Variants in AGAP1 observed in about 807,000 individuals in gnomAD.
AGAP1 encodes the protein ArfGAP with GTPase domain, ankyrin repeat and PH domain 1.
A neutral mutation model predicts 105.3 loss-of-function variants in AGAP1; 29 were observed. That is an observed-to-expected ratio of 0.28 (90% CI 0.21 to 0.38). The LOEUF is 0.38. AGAP1 is among the 10% of genes least tolerant of loss of function. The probability of loss-of-function intolerance (pLI) is 1.00; values close to 1 mark genes in which losing one functional copy is unlikely to be tolerated. For synonymous variants in AGAP1, 509 were observed against 485.9 expected, an observed-to-expected ratio of 1.05 and a Z score of -0.63; for missense variants, 998 against 1,165.1, an observed-to-expected ratio of 0.86 and a Z score of 2.09.
Position 235,578,022 on chromosome 2 carries a change from G to A in AGAP1, c.163+83173G>A, listed in dbSNP as rs1464587047. Among the ~76,000 whole-genome samples the A allele has an allele frequency of 6.6e-6, 1 of 152,118 alleles. No individual in the cohort carries two copies. The highest frequency in any genetic ancestry group is 1.5e-5 in the Non-Finnish European group (1 of 68,012). On this transcript the variant is annotated intron_variant, in intron 1 of 17. Transcript: ENST00000304032. The surrounding 1 kb of genome is among the most constrained non-coding windows in gnomAD (Gnocchi z 4.9). ...CCTGCGTGTGCTGGTCCCGCCATCA[G>A]GACTTCCCCTCGTGAGGAGCTGGGT...
intron 9 of AGAP1, among the ~76,000 whole-genome samples, chr2:235,876,685 C>T (rs557128325): frequency 6.6e-6 from 1 of 152,324 alleles, no homozygotes; most frequent in East Asian, 1.9e-4. Flanking sequence ...GCTGGCCCCG[C>T]CCCACCTCAC....
rs551278919 is a variant in AGAP1 at position 236,078,560 on chromosome 2, G to T, written c.2114+29279G>T. ...ACGCTGCTTCTCCCAGAGGGGTGGG[G>T]TGCATTTTATTGGGCACTTTTGCCT... On this transcript the variant is annotated intron_variant, in intron 16 of 17. Coordinates refer to ENST00000304032, the MANE Select transcript of AGAP1 (RefSeq NM_001037131.3). The surrounding 1 kb of genome is among the most constrained non-coding windows in gnomAD (Gnocchi z 5.3). 1.3e-5 allele frequency among the ~76,000 whole-genome samples: 2 copies of T among 152,256 alleles called. No homozygotes were observed. Among genetic ancestry groups the T allele is most frequent in the Admixed American group, 1.3e-4 (2 of 15,282 alleles).
At position 235,971,784 on chromosome 2, in the gene AGAP1, T is replaced by TTGATTG. The variant is rs1559711563; in HGVS notation, c.1645+3161_1645+3162insTGATTG. On this transcript the variant is annotated intron_variant, in intron 13 of 17. Coordinates refer to ENST00000304032, the MANE Select transcript of AGAP1 (RefSeq NM_001037131.3). This position sits in a 1 kb window ranked among gnomAD's most constrained non-coding sequence, Gnocchi z 4.8. The stretch of plus-strand genomic sequence containing the variant: ...TTATTTATTTATTTATTTATTTATT[T>TTGATTG]ATTGTATTTTTTGAGACAGGTCCTC... Among the ~76,000 whole-genome samples the TTGATTG allele has an allele frequency of 7.6e-3, 1,129 of 148,236 alleles. 13 individuals are homozygous for TTGATTG. The highest frequency in any genetic ancestry group is 0.026 in the African/African-American group (1,066 of 40,286).
At chr2:235,996,497 A>G (rs2055822517) in intron 13 of AGAP1, among the ~76,000 whole-genome samples, 1 of 152,226 alleles carries the variant, frequency 6.6e-6, no homozygotes, top group African/African-American at 2.4e-5. Context: ...CTTGCCTTTT[A>G]ATTTAAATGC....
intron 1 of AGAP1, among the ~76,000 whole-genome samples, chr2:235,519,373 C>A (rs965513049): frequency 6.6e-6 from 1 of 152,012 alleles, no homozygotes; most frequent in Non-Finnish European, 1.5e-5. Flanking sequence ...GCACATGGCC[C>A]TAGTTTATAT....
intron 9 of AGAP1, among the ~76,000 whole-genome samples, chr2:235,836,858 C>T (rs1003727626): frequency 3.3e-5 from 5 of 152,182 alleles, no homozygotes; most frequent in African/African-American, 7.2e-5. Context: ...ACAGGAGGAA[C>T]GGGTTACACT....
intron 9 of AGAP1, among the ~76,000 whole-genome samples, chr2:235,822,246 A>C (rs184056911): frequency 9.8e-4 from 149 of 152,386 alleles, no homozygotes; most frequent in African/African-American, 3.5e-3. Context: ...AAATGTGTAC[A>C]GTCTTAAATA....
At chr2:235,806,221 A>G (rs1221971131) in intron 8 of AGAP1, among the ~76,000 whole-genome samples, 1 of 152,144 alleles carries the variant, frequency 6.6e-6, no homozygotes, top group African/African-American at 2.4e-5. Flanking sequence ...TTCATTTCAT[A>G]TATCATCTCA....
chr2:235,760,215 C>T (rs1954322547), intron 6 of AGAP1, among the ~76,000 whole-genome samples: 1 of 152,112 alleles, frequency 6.6e-6, no homozygotes, highest in African/African-American at 2.4e-5. Context: ...ACCCCCCTCT[C>T]TAAAAATACA....
In AGAP1 at chr2:235,919,244, G is replaced by A. The variant is rs2052051692; in HGVS notation, c.1324+10338G>A. 6.6e-6 allele frequency among the ~76,000 whole-genome samples: 1 copy of A among 152,186 alleles called. No individual in the cohort carries two copies. Among genetic ancestry groups the A allele is most frequent in the African/African-American group, 2.4e-5 (1 of 41,446 alleles). On this transcript the variant is annotated intron_variant, in intron 11 of 17. Coordinates refer to ENST00000304032, the MANE Select transcript of AGAP1 (RefSeq NM_001037131.3). This position sits in a 1 kb window ranked among gnomAD's most constrained non-coding sequence, Gnocchi z 4.1. The stretch of plus-strand genomic sequence containing the variant: ...TGGGAAAGGGCTTCTGGTTCTTCCA[G>A]GCTAGAGTTGAGTCCGTGGCTTCCC...
At chr2:235,738,701 G>GC (rs1254877902) in intron 3 of AGAP1, among the ~76,000 whole-genome samples, 1 of 151,694 alleles carries the variant, frequency 6.6e-6, no homozygotes, top group Non-Finnish European at 1.5e-5. Context: ...GGGATTACAG[G>GC]CCCCCACCAC....
rs1478849478 is a variant in AGAP1 at position 236,042,031 on chromosome 2, G to A, written c.1891+1190G>A. ...AAAACCAGTAGAAGCTAGTTGGAGT[G>A]TGAGTGCCAAGTGAAACTTTTTCCA... On this transcript the variant is annotated intron_variant, in intron 15 of 17. Coordinates refer to ENST00000304032, the MANE Select transcript of AGAP1 (RefSeq NM_001037131.3). This position sits in a 1 kb window ranked among gnomAD's most constrained non-coding sequence, Gnocchi z 5.6. 6.6e-6 allele frequency among the ~76,000 whole-genome samples: 1 copy of A among 152,210 alleles called. No individual in the cohort carries two copies. The highest frequency in any genetic ancestry group is 1.5e-5 in the Non-Finnish European group (1 of 68,042).
In AGAP1 at chr2:236,030,405, C is replaced by T. The variant is rs533816104; in HGVS notation, c.1646-6156C>T. Among the ~76,000 whole-genome samples, 5 of 152,292 alleles carry T rather than the reference C, an allele frequency of 3.3e-5. 1 individual carries two copies. Among genetic ancestry groups the T allele is most frequent in the African/African-American group, 9.6e-5 (4 of 41,548 alleles). ...TTTGAGTTCAGATGTAGTTGGTCTC[C>T]GTCCATGGGAAGCTTTCCTGTAGAG... On this transcript the variant is annotated intron_variant, in intron 13 of 17. Coordinates refer to ENST00000304032, the MANE Select transcript of AGAP1 (RefSeq NM_001037131.3).
chr2:235,968,741 C>T (rs1014961843), intron 13 of AGAP1, 118 bp downstream of exon 13: 7 of 1,068,300 alleles, frequency 6.6e-6, no homozygotes, highest in Admixed American at 3.1e-5. Context: ...TGCTGGTCAC[C>T]GTATGTGCTT....
rs1056352380 is a variant in AGAP1 at position 236,003,708 on chromosome 2, A to G, written c.1646-32853A>G. Among the ~76,000 whole-genome samples, 7 of 152,066 alleles carry G rather than the reference A, an allele frequency of 4.6e-5. No individual in the cohort carries two copies. Among genetic ancestry groups the G allele is most frequent in the Non-Finnish European group, 8.8e-5 (6 of 67,994 alleles). ...CTGGTGGGCACTTCCACCCTGATCAAATTCAGTCATTAACCCCACTGAAAC... is the reference window on the plus strand; with the variant it reads ...CTGGTGGGCACTTCCACCCTGATCAGATTCAGTCATTAACCCCACTGAAAC... On this transcript the variant is annotated intron_variant, in intron 13 of 17. Transcript: ENST00000304032. The surrounding 1 kb of genome is among the most constrained non-coding windows in gnomAD (Gnocchi z 4.2).
Position 235,960,338 on chromosome 2 carries a change from C to T in AGAP1, c.1484-8124C>T, listed in dbSNP as rs1024859863. Among the ~76,000 whole-genome samples the T allele has an allele frequency of 6.6e-6, 1 of 152,128 alleles. No individual in the cohort carries two copies. The highest frequency in any genetic ancestry group is 1.5e-5 in the Non-Finnish European group (1 of 68,026). Reference sequence around the variant, plus strand: ...TTTTATCCCATGACAACCCTGTGTCCTCTGAAAAGCTTGCCTCCTTCTCCC... The same window carrying T: ...TTTTATCCCATGACAACCCTGTGTCTTCTGAAAAGCTTGCCTCCTTCTCCC... On this transcript the variant is annotated intron_variant, in intron 12 of 17. Coordinates refer to ENST00000304032, the MANE Select transcript of AGAP1 (RefSeq NM_001037131.3). This position sits in a 1 kb window ranked among gnomAD's most constrained non-coding sequence, Gnocchi z 4.9.
At chr2:235,585,036 TGA>T (rs1296684308) in intron 1 of AGAP1, among the ~76,000 whole-genome samples, 1 of 151,826 alleles carries the variant, frequency 6.6e-6, no homozygotes, top group East Asian at 1.9e-4. Context: ...TCTGACTCTC[TGA>T]GAGAGACTCT....
rs951913716 is a variant in AGAP1, at chr2:235,842,715, G to A, written c.1050+35384G>A. On this transcript the variant is annotated intron_variant, in intron 9 of 17. Transcript: ENST00000304032. The surrounding 1 kb of genome is among the most constrained non-coding windows in gnomAD (Gnocchi z 5.3). ...CTGAAGTTTTCATCCCATGTGTCAG[G>A]TTTGTTTTTTTTGTTTTGTTTTGTT... Among the ~76,000 whole-genome samples the A allele has an allele frequency of 6.6e-6, 1 of 151,806 alleles. No homozygotes were observed. Among genetic ancestry groups the A allele is most frequent in the African/African-American group, 2.4e-5 (1 of 41,208 alleles).
At chr2:235,688,492 C>G (rs898953412) in intron 1 of AGAP1, among the ~76,000 whole-genome samples, 1 of 152,176 alleles carries the variant, frequency 6.6e-6, no homozygotes, top group African/African-American at 2.4e-5. Flanking sequence ...CTTTCTGCCT[C>G]TCTTGGGGTA....
Sources: allele counts gnomAD v4.1 joint callset (sites outside exome capture counted in the v4.1 genomes callset), GRCh38; gene constraint gnomAD v4.1.1; non-coding constraint Gnocchi (gnomAD v3.1); transcripts MANE v1.5; gene names NCBI Gene and HGNC (gene_info 2026-07-23, HGNC 2026-07-21).